The following AGBL4 variants were observed in gnomAD, a reference collection of about 807,000 sequenced individuals.
AGBL4 encodes the protein AGBL carboxypeptidase 4, also known as cytosolic carboxypeptidase 6.
AGBL4 carries 58 observed loss-of-function variants against 66.4 expected under a neutral mutation model. That is an observed-to-expected ratio of 0.87 (90% CI 0.71 to 1.09). The LOEUF (loss-of-function observed/expected upper bound fraction) is 1.09, where lower values mean the gene tolerates loss of function less well. Among genes scored for constraint, AGBL4 ranks in the 50% least tolerant of loss-of-function variants. The pLI, the probability that AGBL4 is intolerant of heterozygous loss-of-function variation, is 0.00. For synonymous variants in AGBL4, 234 were observed against 222.9 expected (o/e 1.05, Z -0.44); for missense variants, 579 against 631.0 (o/e 0.92, Z 0.88).
intron 4 of AGBL4, among the ~76,000 whole-genome samples, chr1:49,074,341 C>T (rs1640028096): frequency 1.3e-5 from 2 of 152,224 alleles, no homozygotes; most frequent in African/African-American, 4.8e-5. Flanking sequence ...TGACCCCTTG[C>T]ACTTCCCGGG....
intron 4 of AGBL4, among the ~76,000 whole-genome samples, chr1:49,090,203 T>A (rs1266840189): frequency 6.6e-6 from 1 of 152,042 alleles, no homozygotes; most frequent in African/African-American, 2.4e-5. Context: ...CTCTCACCAC[T>A]CCTATTCGAT....
At chr1:49,462,329 A>G (rs1646532759) in intron 3 of AGBL4, among the ~76,000 whole-genome samples, 1 of 151,766 alleles carries the variant, frequency 6.6e-6, no homozygotes, top group Non-Finnish European at 1.5e-5. Context: ...GAAAAGAAGC[A>G]CCATCTTAAT....
chr1:49,260,931 T>C (rs12567087), intron 3 of AGBL4, among the ~76,000 whole-genome samples: 44,321 of 142,528 alleles, frequency 0.31, 7,397 homozygotes, highest in East Asian at 0.7. Flanking sequence ...CAAACCGAAT[T>C]CAGCAGCACA....
At chr1:49,148,877 G>A (rs1335289454) in intron 4 of AGBL4, among the ~76,000 whole-genome samples, 1 of 152,156 alleles carries the variant, frequency 6.6e-6, no homozygotes, top group Non-Finnish European at 1.5e-5. Flanking sequence ...TAAGATAGAT[G>A]CCTGGGTAAG....
chr1:48,776,658 G>T, intron 6 of AGBL4: 1 of 1,493,816 alleles, frequency 6.7e-7, no homozygotes, highest in Non-Finnish European at 8.9e-7. Flanking sequence ...CCCAGTCGCG[G>T]GGGGCGCGCG....
At chr1:49,464,250 T>C (rs541602654) in intron 3 of AGBL4, among the ~76,000 whole-genome samples, 4 of 151,864 alleles carry the variant, frequency 2.6e-5, no homozygotes, top group East Asian at 3.9e-4. Flanking sequence ...GCAATATATA[T>C]ACTCTCACTT....
chr1:48,714,604 T>C (rs1647019176), intron 6 of AGBL4, among the ~76,000 whole-genome samples: 1 of 152,174 alleles, frequency 6.6e-6, no homozygotes, highest in Non-Finnish European at 1.5e-5. Flanking sequence ...CCCCTTCCCA[T>C]TCATCATCTA....
rs116170532 is a variant in AGBL4 at position 49,081,545 on chromosome 1, A to T, written c.378-35745T>A. Among the ~76,000 whole-genome samples the T allele has an allele frequency of 5.1e-3, 780 of 152,334 alleles. 9 individuals are homozygous for T. The highest frequency in any genetic ancestry group is 7.2e-3 in the Non-Finnish European group (491 of 68,022). ...TTTTTATTCTCAAATAGGGCTTATA[A>T]GAGATATCCTTGCCTCTCTTTCTAC... is the stretch of plus-strand genomic sequence containing the variant. On this transcript the variant is annotated intron_variant, in intron 4 of 13. Transcript: ENST00000371839.
At chr1:49,756,929 G>T (rs1651929156) in intron 2 of AGBL4, among the ~76,000 whole-genome samples, 1 of 152,128 alleles carries the variant, frequency 6.6e-6, no homozygotes, top group Non-Finnish European at 1.5e-5. Flanking sequence ...ACGGTAAAGT[G>T]GGACATGAGA....
At chr1:49,747,396 T>C (rs1651069467) in intron 2 of AGBL4, among the ~76,000 whole-genome samples, 2 of 152,124 alleles carry the variant, frequency 1.3e-5, no homozygotes, top group African/African-American at 4.8e-5. Flanking sequence ...ACATTACCTA[T>C]TAATGTTTTA....
chr1:49,904,149 T>C (rs1650038187), intron 1 of AGBL4, among the ~76,000 whole-genome samples: 1 of 152,190 alleles, frequency 6.6e-6, no homozygotes, highest in East Asian at 1.9e-4. Flanking sequence ...AATCCATTCA[T>C]ATGGATACTT....
At chr1:49,923,225 C>G (rs193086705) in intron 1 of AGBL4, among the ~76,000 whole-genome samples, 238 of 152,224 alleles carry the variant, frequency 1.6e-3, no homozygotes, top group Non-Finnish European at 2.8e-3. Context: ...GAAAGGACAC[C>G]CTGTTCAATA....
intron 1 of AGBL4, among the ~76,000 whole-genome samples, chr1:49,895,964 C>T (rs1232503456): frequency 1.3e-5 from 2 of 148,742 alleles, no homozygotes; most frequent in Non-Finnish European, 3.0e-5. Context: ...AAAACGAGAT[C>T]CAACTATCTG....
At chr1:49,801,696 G>A (rs552244483) in intron 2 of AGBL4, among the ~76,000 whole-genome samples, 15 of 152,270 alleles carry the variant, frequency 9.9e-5, no homozygotes, top group African/African-American at 3.4e-4. Context: ...CCTAATGAAT[G>A]CTCAAAGAAG....
intron 4 of AGBL4, among the ~76,000 whole-genome samples, chr1:49,212,493 ATAGAT>A (rs1373893089): frequency 6.6e-6 from 1 of 152,180 alleles, no homozygotes; most frequent in Non-Finnish European, 1.5e-5. Context: ...CATCTAGAAT[ATAGAT>A]TAGATAACTT....
At chr1:49,204,053 G>A (rs1177369725) in intron 4 of AGBL4, among the ~76,000 whole-genome samples, 2 of 152,030 alleles carry the variant, frequency 1.3e-5, no homozygotes, top group African/African-American at 2.4e-5. Flanking sequence ...GGGCCCTCAG[G>A]GCAGAAAGTA....
At chr1:49,614,581 G>T (rs1484752458) in intron 3 of AGBL4, among the ~76,000 whole-genome samples, 1 of 152,110 alleles carries the variant, frequency 6.6e-6, no homozygotes, top group Non-Finnish European at 1.5e-5. Flanking sequence ...ATATACAAGA[G>T]CAAAAGGCAT....
chr1:49,603,929 TACACACACACACACACACACACACAC>T (rs60862640), intron 3 of AGBL4, among the ~76,000 whole-genome samples: 69 of 140,630 alleles, frequency 4.9e-4, no homozygotes, highest in African/African-American at 1.3e-3. Flanking sequence ...TTCCATGGTA[TACACACACACACACACACACACACAC>T]ACACACACAC....
chr1:49,404,792 C>T (rs550663961), intron 3 of AGBL4, among the ~76,000 whole-genome samples: 1 of 152,118 alleles, frequency 6.6e-6, no homozygotes, highest in East Asian at 1.9e-4. Context: ...ATCTAATTAA[C>T]AAGAATTAGG....
Sources: allele counts gnomAD v4.1 joint callset (sites outside exome capture counted in the v4.1 genomes callset), GRCh38; gene constraint gnomAD v4.1.1; transcripts MANE v1.5; gene names NCBI Gene and HGNC (gene_info 2026-07-23, HGNC 2026-07-21).